MAPK9: variants seen among roughly 807,000 people sequenced by gnomAD.
MAPK9 encodes the protein Jun kinase.
MAPK9 carries 30 observed loss-of-function variants against 57.1 expected under a neutral mutation model. The observed-to-expected ratio is 0.53, with a 90% CI of 0.39 to 0.71. MAPK9 has a LOEUF of 0.71. MAPK9 is among the 30% of genes least tolerant of loss of function. The pLI, the probability that MAPK9 is intolerant of heterozygous loss-of-function variation, is 0.00. For synonymous variants in MAPK9, 155 were observed against 177.0 expected (o/e 0.88, Z 0.99); for missense variants, 362 against 521.0 (o/e 0.69, Z 2.97).
chr5:180,250,196 T>G (rs533423374), intron 5 of MAPK9, among the ~76,000 whole-genome samples: 1 of 152,262 alleles, frequency 6.6e-6, no homozygotes, highest in Non-Finnish European at 1.5e-5. Context: ...AGCAGACACT[T>G]GGGAAGTGTC....
intron 5 of MAPK9, chr5:180,253,708 GGCCT>G (rs1220250410): frequency 2.0e-5 from 3 of 152,324 alleles, no homozygotes; most frequent in Non-Finnish European, 2.9e-5. Context: ...GGCACGGTGA[GGCCT>G]GCCTGCAACA....
At chr5:180,261,914 T>C in intron 4 of MAPK9, 92 bp from the exon 5 acceptor site, 1 of 1,054,326 alleles carries the variant, frequency 9.5e-7, no homozygotes, top group Non-Finnish European at 1.4e-6. Flanking sequence ...TTCCAATCAC[T>C]GCACTGGCTA....
chr5:180,276,634 T>C (rs963540843), intron 2 of MAPK9, among the ~76,000 whole-genome samples: 4 of 152,194 alleles, frequency 2.6e-5, no homozygotes, highest in African/African-American at 9.6e-5. Context: ...GGTGGGCAGA[T>C]CACGAGATCA....
chr5:180,261,543 C>T, intron 5 of MAPK9, 141 bp downstream of exon 5: 1 of 850,744 alleles, frequency 1.2e-6, no homozygotes, highest in East Asian at 2.9e-5. Flanking sequence ...CCTAGAATGA[C>T]TCTCTTAAAA....
rs1465810991 is a variant in MAPK9 at position 180,247,344 on chromosome 5, C to T, written c.688+95G>A. 7.6e-6 allele frequency: 11 copies of T among 1,445,816 alleles called. No individual in the cohort carries two copies. The African/African-American group carries it at 9.8e-5, about 13-fold the overall frequency. The allele number at this position is 1,445,816 out of a possible 1,614,324, so 89.6% of individuals were successfully genotyped here. The stretch of plus-strand genomic sequence containing the variant: ...AGAACACAGTCTGGAGTGGATTTTA[C>T]GACTTTGTCCTCGTGAGCGCTCGTG... On this transcript the variant is annotated intron_variant, in intron 7 of 11. Transcript: ENST00000452135. This position sits in a 1 kb window ranked among gnomAD's most constrained non-coding sequence, Gnocchi z 4.5.
intron 2 of MAPK9, among the ~76,000 whole-genome samples, chr5:180,275,305 T>A (rs1258941915): frequency 6.6e-6 from 1 of 152,200 alleles, no homozygotes; most frequent in Non-Finnish European, 1.5e-5. Flanking sequence ...GCACTAGCAA[T>A]TTTTGTTTAC....
chr5:180,248,947 C>T, intron 6 of MAPK9, 26 bp downstream of exon 6: 3 of 1,571,400 alleles, frequency 1.9e-6, no homozygotes, highest in Non-Finnish European at 1.7e-6. Context: ...AACATCCCAG[C>T]CTCTTCCAGC....
chr5:180,239,849 C>G (rs1757505506), intron 10 of MAPK9, 75 bp downstream of exon 10: 2 of 1,452,318 alleles, frequency 1.4e-6, no homozygotes, highest in African/African-American at 2.8e-5. Context: ...GGAAATGTCA[C>G]AAAATGAAAA....
chr5:180,284,288 C>T (rs1490293719), intron 1 of MAPK9, among the ~76,000 whole-genome samples: 1 of 152,256 alleles, frequency 6.6e-6, no homozygotes, highest in Admixed American at 6.5e-5. Context: ...GGTTCCTCCC[C>T]CTCAGCTCCC....
chr5:180,262,497 G>A (rs1156856586), intron 4 of MAPK9, among the ~76,000 whole-genome samples: 1 of 150,680 alleles, frequency 6.6e-6, no homozygotes, highest in East Asian at 1.9e-4. Context: ...GCGTGATCTC[G>A]CCTCACTGCA....
rs971538187 is a variant in MAPK9 at position 180,248,961 on chromosome 5, G to T, written c.616+12C>A. The T allele has an allele frequency of 1.9e-6, 3 of 1,595,562 alleles. No homozygotes were observed. The highest frequency in any genetic ancestry group is 2.6e-6 in the Non-Finnish European group (3 of 1,170,544). On this transcript the variant is annotated intron_variant, in intron 6 of 11. Transcript: ENST00000452135. ...AAACATCCCAGCCTCTTCCAGCCCCGGCTATACTCACCGTTCTCTTTGTAG... is the reference window on the plus strand; with the variant it reads ...AAACATCCCAGCCTCTTCCAGCCCCTGCTATACTCACCGTTCTCTTTGTAG...
At chr5:180,283,121 C>T (rs760915137) in intron 1 of MAPK9, among the ~76,000 whole-genome samples, 2 of 152,158 alleles carry the variant, frequency 1.3e-5, no homozygotes, top group African/African-American at 4.8e-5. Context: ...GGATCCATCC[C>T]TCCCTTCCTC....
chr5:180,287,789 C>A (rs1408710926), intron 1 of MAPK9, among the ~76,000 whole-genome samples: 2 of 152,174 alleles, frequency 1.3e-5, no homozygotes, highest in Admixed American at 1.3e-4. Context: ...ATTTTTGCCA[C>A]CCTCCCAGTA....
chr5:180,259,273 C>A (rs183963665), intron 5 of MAPK9, among the ~76,000 whole-genome samples: 2 of 151,894 alleles, frequency 1.3e-5, no homozygotes, highest in Admixed American at 6.5e-5. Context: ...AGAACTCACA[C>A]TGGAGAGGAA....
intron 5 of MAPK9, among the ~76,000 whole-genome samples, chr5:180,259,370 C>CT: frequency 6.6e-6 from 1 of 152,080 alleles, no homozygotes; most frequent in South Asian, 2.1e-4. Context: ...GAGAGAAACC[C>CT]TTTGACCGTA....
chr5:180,291,359 G>A (rs1763217738), intron 1 of MAPK9, among the ~76,000 whole-genome samples: 1 of 152,174 alleles, frequency 6.6e-6, no homozygotes, highest in Admixed American at 6.5e-5. Flanking sequence ...ACCAGCACGG[G>A]CCAGCACCCT....
chr5:180,288,146 A>T (rs1762934726), intron 1 of MAPK9, among the ~76,000 whole-genome samples: 1 of 152,216 alleles, frequency 6.6e-6, no homozygotes, highest in Non-Finnish European at 1.5e-5. Context: ...AATGCACCCT[A>T]AATCTGACGA....
chr5:180,238,608 CTTTTTTT>C (rs746336177), intron 10 of MAPK9, among the ~76,000 whole-genome samples: 1 of 85,168 alleles, frequency 1.2e-5, no homozygotes, highest in East Asian at 2.7e-4. Flanking sequence ...TCTTCTTCTT[CTTTTTTT>C]TTTTTTTTTT....
intron 4 of MAPK9, among the ~76,000 whole-genome samples, 190 bp from the exon 5 acceptor site, chr5:180,262,012 A>G (rs1211166733): frequency 1.3e-5 from 2 of 152,094 alleles, no homozygotes; most frequent in Non-Finnish European, 2.9e-5. Context: ...TACAAGTTAA[A>G]AATTAAAAAA....
Sources: gnomAD v4.1 joint callset for allele counts (sites outside exome capture counted in the v4.1 genomes callset) on GRCh38, gnomAD v4.1.1 for gene constraint, Gnocchi (gnomAD v3.1) non-coding constraint, MANE v1.5 for transcripts, NCBI Gene and HGNC (gene_info 2026-07-23, HGNC 2026-07-21) for gene names.